Variants in PTPRG observed in about 807,000 individuals in gnomAD.
The protein encoded by PTPRG is receptor-type tyrosine-protein phosphatase gamma.
Under a neutral mutation model 165.3 loss-of-function variants are expected in PTPRG, and 102 were observed. The observed-to-expected ratio is 0.62, with a 90% CI of 0.53 to 0.73. PTPRG has a LOEUF of 0.73. Ranked by LOEUF, PTPRG falls within the 30% of genes least tolerant of loss-of-function variation. The pLI, the probability that PTPRG is intolerant of heterozygous loss-of-function variation, is 0.00. For synonymous variants in PTPRG, 675 were observed against 669.5 expected (o/e 1.01, Z -0.13); for missense variants, 1,866 against 1,861.4 (o/e 1.00, Z -0.05).
At chr3:61,977,999 C>T (rs952592321) in intron 2 of PTPRG, among the ~76,000 whole-genome samples, 2 of 152,306 alleles carry the variant, frequency 1.3e-5, no homozygotes, top group African/African-American at 4.8e-5. Context: ...TTGCAGGCAC[C>T]TGCCACCACA....
chr3:61,861,589 C>T (rs181136239), intron 2 of PTPRG, among the ~76,000 whole-genome samples: 78 of 152,304 alleles, frequency 5.1e-4, no homozygotes, highest in African/African-American at 1.6e-3. Context: ...GTACTGTTCT[C>T]TGCTATTGGC....
At chr3:61,668,637 A>G (rs1001746676) in intron 1 of PTPRG, among the ~76,000 whole-genome samples, 2 of 152,168 alleles carry the variant, frequency 1.3e-5, no homozygotes, top group African/African-American at 4.8e-5. Flanking sequence ...ATTAGAGGAA[A>G]TGTGTAAGGC....
At chr3:61,980,982 C>T (rs1372964177) in intron 2 of PTPRG, among the ~76,000 whole-genome samples, 1 of 152,134 alleles carries the variant, frequency 6.6e-6, no homozygotes, top group East Asian at 1.9e-4. Flanking sequence ...TGTATTAGTC[C>T]GTTCTCATGC....
At chr3:61,616,550 C>G (rs1559525699) in intron 1 of PTPRG, among the ~76,000 whole-genome samples, 1 of 152,156 alleles carries the variant, frequency 6.6e-6, no homozygotes. Context: ...CGTGTAGACA[C>G]TTCTCAACTC....
At chr3:62,152,245 G>T (rs1358743204) in intron 6 of PTPRG, among the ~76,000 whole-genome samples, 2 of 151,202 alleles carry the variant, frequency 1.3e-5, no homozygotes, top group African/African-American at 4.9e-5. Context: ...GGTGATACAA[G>T]CCTATAGTCC....
At chr3:61,873,246 A>G (rs2037631981) in intron 2 of PTPRG, among the ~76,000 whole-genome samples, 1 of 152,184 alleles carries the variant, frequency 6.6e-6, no homozygotes. Context: ...CCTCAATGAC[A>G]TTCACCAGGC....
At chr3:62,048,140 G>T (rs1041610899) in intron 4 of PTPRG, among the ~76,000 whole-genome samples, 4 of 151,892 alleles carry the variant, frequency 2.6e-5, no homozygotes, top group Non-Finnish European at 5.9e-5. Flanking sequence ...GCTGTTTTAT[G>T]GAGAAGAGAG....
intron 1 of PTPRG, among the ~76,000 whole-genome samples, chr3:61,695,867 T>C (rs1363568732): frequency 6.6e-6 from 1 of 152,218 alleles, no homozygotes; most frequent in Non-Finnish European, 1.5e-5. Flanking sequence ...ATTAAAACAC[T>C]ACTGTATACT....
chr3:61,816,985 TTA>T (rs914398844), intron 2 of PTPRG, among the ~76,000 whole-genome samples: 12 of 132,250 alleles, frequency 9.1e-5, no homozygotes, highest in African/African-American at 1.7e-4. Flanking sequence ...TATATATATA[TTA>T]TATATATATT....
chr3:61,877,518 C>G (rs970204892), intron 2 of PTPRG, among the ~76,000 whole-genome samples: 3 of 152,072 alleles, frequency 2.0e-5, no homozygotes, highest in Non-Finnish European at 2.9e-5. Flanking sequence ...GCTGACCAAC[C>G]AATTCACAGA....
At chr3:62,086,463 A>G (rs1160886237) in intron 5 of PTPRG, among the ~76,000 whole-genome samples, 2 of 152,164 alleles carry the variant, frequency 1.3e-5, no homozygotes, top group Non-Finnish European at 2.9e-5. Context: ...GTGTTGGAGA[A>G]TGGTGGTAGA....
chr3:61,858,843 C>G (rs1482769673), intron 2 of PTPRG, among the ~76,000 whole-genome samples: 1 of 152,098 alleles, frequency 6.6e-6, no homozygotes, highest in African/African-American at 2.4e-5. Flanking sequence ...AACCATGGTG[C>G]TTAGAGCTAG....
Position 62,273,477 on chromosome 3 carries a change from G to A in PTPRG, c.3319-221G>A, listed in dbSNP as rs1321238400. Among the ~76,000 whole-genome samples the A allele has an allele frequency of 6.6e-6, 1 of 152,112 alleles. No homozygotes were observed. Among genetic ancestry groups the A allele is most frequent in the Non-Finnish European group, 1.5e-5 (1 of 68,030 alleles). On this transcript the variant is annotated intron_variant, in intron 22 of 29. Coordinates refer to ENST00000474889, the MANE Select transcript of PTPRG (RefSeq NM_002841.4). The surrounding 1 kb of genome is among the most constrained non-coding windows in gnomAD (Gnocchi z 4.1). ...GCACAGTATAGAATACCGTGATCCA[G>A]GCACAGTATAGAATACAGAGCTAAA... is the stretch of plus-strand genomic sequence containing the variant.
intron 2 of PTPRG, among the ~76,000 whole-genome samples, chr3:61,808,888 C>CT (rs1377629568): frequency 6.6e-6 from 1 of 151,104 alleles, no homozygotes; most frequent in Non-Finnish European, 1.5e-5. Context: ...CCTTTTGTAT[C>CT]TTTGTTGATA....
In PTPRG at chr3:62,059,878, C is replaced by G. The variant is rs1361317094; in HGVS notation, c.520-18285C>G. 2.0e-5 allele frequency among the ~76,000 whole-genome samples: 3 copies of G among 152,128 alleles called. No homozygotes were observed. In the South Asian group the frequency reaches 6.2e-4, roughly 31 times the overall value. Reference sequence around the variant, plus strand: ...GACTTTTGTTTGGCACTTCTTGCTGCTGCCATGTGAAGAAGGACGTGTTTG... The same window carrying G: ...GACTTTTGTTTGGCACTTCTTGCTGGTGCCATGTGAAGAAGGACGTGTTTG... On this transcript the variant is annotated intron_variant, in intron 4 of 29. Coordinates refer to ENST00000474889, the MANE Select transcript of PTPRG (RefSeq NM_002841.4).
chr3:61,998,781 G>A (rs1289838982), intron 3 of PTPRG, among the ~76,000 whole-genome samples: 1 of 152,150 alleles, frequency 6.6e-6, no homozygotes, highest in African/African-American at 2.4e-5. Context: ...ATTAATCACA[G>A]CAAGGATAGT....
At chr3:61,960,955 C>G (rs1207351882) in intron 2 of PTPRG, among the ~76,000 whole-genome samples, 1 of 152,064 alleles carries the variant, frequency 6.6e-6, no homozygotes, top group Non-Finnish European at 1.5e-5. Context: ...GCCAGTTACT[C>G]AATCCATTAG....
intron 1 of PTPRG, among the ~76,000 whole-genome samples, chr3:61,718,200 A>G (rs1292244770): frequency 4.1e-5 from 6 of 145,358 alleles, no homozygotes; most frequent in Non-Finnish European, 9.1e-5. Context: ...AAACAAAACA[A>G]AAAAACAAAA....
At chr3:61,639,559 A>T in intron 1 of PTPRG, among the ~76,000 whole-genome samples, 1 of 149,294 alleles carries the variant, frequency 6.7e-6, no homozygotes, top group African/African-American at 2.5e-5. Flanking sequence ...AGGTTTTTCC[A>T]TTTGTTTGTG....
Sources: gnomAD v4.1 joint callset for allele counts (sites outside exome capture counted in the v4.1 genomes callset) on GRCh38, gnomAD v4.1.1 for gene constraint, Gnocchi (gnomAD v3.1) non-coding constraint, MANE v1.5 for transcripts, NCBI Gene and HGNC (gene_info 2026-07-23, HGNC 2026-07-21) for gene names.